NREP: variants seen among roughly 807,000 people sequenced by gnomAD.
NREP encodes neuronal regeneration related protein, also known as neuronal regeneration-related protein.
A neutral mutation model predicts 8.6 loss-of-function variants in NREP; 5 were observed. The observed-to-expected ratio is 0.58, with a 90% confidence interval of 0.30 to 1.22. The LOEUF is 1.22. NREP is among the 50% of genes most tolerant of loss of function. The pLI, the probability that NREP is intolerant of heterozygous loss-of-function variation, is 0.07. For synonymous variants in NREP, 27 were observed against 28.0 expected (o/e 0.96, Z 0.11); for missense variants, 86 against 82.5 (o/e 1.04, Z -0.17).
chr5:111,854,291 TA>T (rs2112472348), intron 2 of NREP, among the ~76,000 whole-genome samples: 1 of 152,274 alleles, frequency 6.6e-6, no homozygotes, highest in East Asian at 1.9e-4. Context: ...TGCTGAGAGT[TA>T]TTAGAGCACA....
chr5:111,839,326 C>G (rs1752969162), intron 2 of NREP, among the ~76,000 whole-genome samples: 1 of 152,074 alleles, frequency 6.6e-6, no homozygotes, highest in Non-Finnish European at 1.5e-5. Context: ...GGGCAATGAC[C>G]AGAGTCATAG....
intron 2 of NREP, among the ~76,000 whole-genome samples, chr5:111,817,788 G>C (rs1752426650): frequency 8.7e-6 from 1 of 115,558 alleles, no homozygotes; most frequent in Non-Finnish European, 1.6e-5. Flanking sequence ...CTGGGCAACA[G>C]AGCAAGACTT....
At chr5:111,967,899 A>G (rs566170178) in intron 2 of NREP, among the ~76,000 whole-genome samples, 4 of 152,326 alleles carry the variant, frequency 2.6e-5, no homozygotes, top group East Asian at 1.9e-4. Flanking sequence ...GAAAAGTAAA[A>G]AAGTTTTTAA....
intron 2 of NREP, among the ~76,000 whole-genome samples, chr5:111,894,096 G>T (rs2112537858): frequency 6.6e-6 from 1 of 152,100 alleles, no homozygotes; most frequent in East Asian, 1.9e-4. Context: ...GCAGGCACCT[G>T]TAATGCCAGC....
intron 2 of NREP, among the ~76,000 whole-genome samples, chr5:111,883,501 C>A (rs979398714): frequency 5.3e-5 from 8 of 152,180 alleles, no homozygotes; most frequent in Non-Finnish European, 8.8e-5. Context: ...ACTCTCCACC[C>A]CAAATCAACA....
intron 2 of NREP, among the ~76,000 whole-genome samples, chr5:111,874,508 T>C (rs1462991005): frequency 6.6e-6 from 1 of 152,158 alleles, no homozygotes; most frequent in Admixed American, 6.5e-5. Context: ...ACCCTGTCTA[T>C]GAAAAAATTT....
At chr5:111,916,557 C>T (rs903585016) in intron 2 of NREP, among the ~76,000 whole-genome samples, 3 of 152,128 alleles carry the variant, frequency 2.0e-5, no homozygotes, top group African/African-American at 7.2e-5. Flanking sequence ...TAAACCTGAG[C>T]CATGGGCCTT....
At chr5:111,744,765 T>G (rs181409149) in intron 2 of NREP, among the ~76,000 whole-genome samples, 2 of 152,206 alleles carry the variant, frequency 1.3e-5, no homozygotes, top group Admixed American at 6.5e-5. Flanking sequence ...CTTCAAGAGT[T>G]GTGAAAATCC....
intron 2 of NREP, among the ~76,000 whole-genome samples, chr5:111,829,580 T>C (rs1304289854): frequency 1.3e-5 from 2 of 152,214 alleles, no homozygotes; most frequent in Non-Finnish European, 2.9e-5. Context: ...CTGCTCTTTC[T>C]GGCTTCTAAG....
chr5:111,933,393 TA>T (rs543803537), intron 2 of NREP, among the ~76,000 whole-genome samples: 3 of 152,044 alleles, frequency 2.0e-5, no homozygotes, highest in Non-Finnish European at 4.4e-5. Context: ...CAAAAGAAAA[TA>T]AATGGAATTA....
chr5:111,872,299 T>C (rs995281304), intron 2 of NREP, among the ~76,000 whole-genome samples: 4 of 152,122 alleles, frequency 2.6e-5, no homozygotes, highest in Admixed American at 2.6e-4. Flanking sequence ...ACTTGAGGGA[T>C]GGTCAGCCTT....
At chr5:111,757,412 CTCTT>C, upstream of NREP, 1 of 982,274 alleles carries the variant, frequency 1.0e-6, no homozygotes, top group Non-Finnish European at 1.2e-6. Context: ...GTGTGTCTCT[CTCTT>C]TCTCTAAGAG....
chr5:111,757,663 C>T (rs1750818260), upstream of NREP: 4 of 983,336 alleles, frequency 4.1e-6, no homozygotes, highest in Middle Eastern at 5.2e-4. Flanking sequence ...CTCGCCGCGC[C>T]GTCCCCACTG....
chr5:111,958,103 G>T (rs1462577381), intron 2 of NREP, among the ~76,000 whole-genome samples: 1 of 151,726 alleles, frequency 6.6e-6, no homozygotes, highest in African/African-American at 2.4e-5. Context: ...AAGAATAAGA[G>T]ACATTATTTT....
chr5:111,743,825 T>A (rs1330658630), intron 2 of NREP, among the ~76,000 whole-genome samples: 2 of 152,174 alleles, frequency 1.3e-5, no homozygotes, highest in Non-Finnish European at 2.9e-5. Flanking sequence ...AATAACTATA[T>A]GAAGTTTAAT....
Position 111,829,916 on chromosome 5 carries a change from C to A in NREP, c.136-94409G>T, listed in dbSNP as rs575540992. 8.5e-5 allele frequency among the ~76,000 whole-genome samples: 13 copies of A among 152,336 alleles called. No homozygotes were observed. The South Asian group carries it at 1.9e-3, about 22-fold the overall frequency. On this transcript the variant is annotated intron_variant, in intron 2 of 3. Coordinates refer to the NREP transcript ENST00000395634. ...GTATTGACTACTATACCAGCTCTTACAGCCCTGGACTGGGTGTACAGTGCT... is the reference window on the plus strand; with the variant it reads ...GTATTGACTACTATACCAGCTCTTAAAGCCCTGGACTGGGTGTACAGTGCT...
chr5:111,747,744 C>G (rs1462594828), intron 2 of NREP, among the ~76,000 whole-genome samples: 3 of 152,104 alleles, frequency 2.0e-5, no homozygotes, highest in East Asian at 1.9e-4. Flanking sequence ...GTTATTTACT[C>G]CTTCTCCTTC....
chr5:111,848,804 T>C (rs903532331), intron 2 of NREP, among the ~76,000 whole-genome samples: 1 of 152,154 alleles, frequency 6.6e-6, no homozygotes, highest in Non-Finnish European at 1.5e-5. Context: ...TTCTTTGCCA[T>C]TTGTCAGCAG....
chr5:111,829,445 C>T (rs1752709763), intron 2 of NREP, among the ~76,000 whole-genome samples: 1 of 152,128 alleles, frequency 6.6e-6, no homozygotes, highest in Non-Finnish European at 1.5e-5. Flanking sequence ...TAATCTGACA[C>T]CCACCGGCCC....
Sources: gnomAD v4.1 joint callset for allele counts (sites outside exome capture counted in the v4.1 genomes callset) on GRCh38, gnomAD v4.1.1 for gene constraint, MANE v1.5 for transcripts, NCBI Gene and HGNC (gene_info 2026-07-23, HGNC 2026-07-21) for gene names.